DPP6: variants seen among roughly 807,000 people sequenced by gnomAD.
DPP6 encodes A-type potassium channel modulatory protein DPP6.
DPP6 carries 69 observed loss-of-function variants against 122.6 expected under a neutral mutation model. The observed-to-expected ratio is 0.56, with a 90% confidence interval of 0.46 to 0.69. DPP6 has a LOEUF of 0.69. Among genes scored for constraint, DPP6 ranks in the 30% least tolerant of loss-of-function variants. The pLI is 0.00. For synonymous variants in DPP6, 418 were observed against 433.1 expected (o/e 0.97, Z 0.43); for missense variants, 928 against 1,116.9 (o/e 0.83, Z 2.41).
chr7:154,749,576 G>A (rs1395200158), intron 8 of DPP6, among the ~76,000 whole-genome samples: 18 of 122,764 alleles, frequency 1.5e-4, no homozygotes, highest in East Asian at 2.6e-4. Flanking sequence ...AGATGGTCAG[G>A]GAGCATAGGA....
chr7:154,752,085 A>G (rs1018572796), intron 8 of DPP6, among the ~76,000 whole-genome samples: 3 of 152,210 alleles, frequency 2.0e-5, no homozygotes, highest in Non-Finnish European at 4.4e-5. Context: ...GGAATGCGCC[A>G]TCTTTGTTTT....
chr7:154,439,715 A>G (rs1819198647), intron 1 of DPP6, among the ~76,000 whole-genome samples: 1 of 152,220 alleles, frequency 6.6e-6, no homozygotes, highest in Admixed American at 6.5e-5. Flanking sequence ...GATAGGGCAG[A>G]AGTTAATTCT....
intron 16 of DPP6, among the ~76,000 whole-genome samples, chr7:154,814,586 C>A (rs1014719187): frequency 2.0e-5 from 3 of 152,226 alleles, no homozygotes; most frequent in African/African-American, 7.2e-5. Context: ...AAAAAGCACT[C>A]ACCTCCTGGA....
chr7:154,557,589 C>A (rs1208697554), intron 4 of DPP6, among the ~76,000 whole-genome samples: 1 of 151,962 alleles, frequency 6.6e-6, no homozygotes, highest in Non-Finnish European at 1.5e-5. Context: ...GGCCATGAGA[C>A]TATAAGAGGA....
intron 7 of DPP6, among the ~76,000 whole-genome samples, chr7:154,723,429 A>AT (rs1316685179): frequency 6.6e-6 from 1 of 151,930 alleles, no homozygotes; most frequent in Non-Finnish European, 1.5e-5. Context: ...GTCTGATTTG[A>AT]TTCAAAAATC....
intron 1 of DPP6, among the ~76,000 whole-genome samples, chr7:154,057,008 C>A (rs1800882671): frequency 6.6e-6 from 1 of 152,220 alleles, no homozygotes; most frequent in Non-Finnish European, 1.5e-5. Flanking sequence ...GGTGTACTCA[C>A]CTACAGAATA....
At chr7:153,988,533 C>T (rs1219692914) in intron 1 of DPP6, among the ~76,000 whole-genome samples, 10 of 152,178 alleles carry the variant, frequency 6.6e-5, no homozygotes, top group African/African-American at 2.2e-4. Flanking sequence ...TCTGGCCTCA[C>T]CCACCCTTTT....
chr7:154,135,297 C>A (rs1245989348), intron 1 of DPP6, among the ~76,000 whole-genome samples: 14 of 151,820 alleles, frequency 9.2e-5, no homozygotes, highest in Non-Finnish European at 1.8e-4. Flanking sequence ...TTCCTGTGAG[C>A]ACACACTTCT....
intron 3 of DPP6, among the ~76,000 whole-genome samples, chr7:154,529,740 T>C (rs2130094361): frequency 6.6e-6 from 1 of 152,314 alleles, no homozygotes; most frequent in Admixed American, 6.5e-5. Flanking sequence ...GACTTATAAA[T>C]AGAACAATAA....
chr7:154,613,016 G>C (rs1387969938), intron 5 of DPP6, among the ~76,000 whole-genome samples: 1 of 152,146 alleles, frequency 6.6e-6, no homozygotes. Flanking sequence ...CTGACTTCTT[G>C]TTGTAGCCTC....
chr7:154,727,695 G>T lies in DPP6; in HGVS notation c.763-72G>T. 6 of 1,488,672 alleles carry T rather than the reference G, an allele frequency of 4.0e-6. No homozygotes were observed. The South Asian group carries it at 8.2e-5, about 20-fold the overall frequency. 92.2% of individuals were successfully genotyped at this position (1,488,672 alleles called of 1,614,324 possible). A position where few individuals can be genotyped will look rare whatever the true frequency, so the allele number is the denominator to read the frequency against. ...AATGAAAACCCGGTTGATGATTTCA[G>T]ATTTTTTAAGAACAGCCTATTTATA... On this transcript the variant is annotated intron_variant, in intron 7 of 25. Transcript: ENST00000377770.
At chr7:154,830,672 C>T (rs1327532423) in intron 16 of DPP6, among the ~76,000 whole-genome samples, 7 of 152,208 alleles carry the variant, frequency 4.6e-5, no homozygotes, top group Admixed American at 2.0e-4. Flanking sequence ...TGGGTTGTCC[C>T]GGCCTTAATC....
chr7:153,867,717 C>T, the DPP6 span, among the ~76,000 whole-genome samples: 3 of 152,194 alleles, frequency 2.0e-5, no homozygotes, highest in Admixed American at 6.5e-5. Context: ...GAGGGCATCC[C>T]TGTCTTGTGC....
intron 5 of DPP6, among the ~76,000 whole-genome samples, chr7:154,627,603 T>A (rs1835168294): frequency 6.6e-6 from 1 of 152,130 alleles, no homozygotes; most frequent in African/African-American, 2.4e-5. Flanking sequence ...GTCATTAATA[T>A]GGGGGTGACT....
At chr7:153,810,730 A>G in the DPP6 span, among the ~76,000 whole-genome samples, 2 of 144,552 alleles carry the variant, frequency 1.4e-5, no homozygotes, top group Admixed American at 7.1e-5. Context: ...GCACCAGGAT[A>G]CCTATTCTAT....
chr7:154,276,927 A>G (rs1052891193), intron 1 of DPP6, among the ~76,000 whole-genome samples: 26 of 152,284 alleles, frequency 1.7e-4, no homozygotes, highest in Middle Eastern at 3.4e-3. Context: ...TCCAACACAC[A>G]TATTCTTCTC....
chr7:154,074,084 T>C lies in DPP6; in HGVS notation c.243+21021T>C, dbSNP rs551886850. The stretch of plus-strand genomic sequence containing the variant: ...CTCCATATATACATATAGAGAGAGA[T>C]ATATAGAGATCTATATAGAGATAGA... On this transcript the variant is annotated intron_variant, in intron 1 of 25. Coordinates refer to ENST00000377770, the MANE Select transcript of DPP6 (RefSeq NM_130797.4). 4.3e-4 allele frequency among the ~76,000 whole-genome samples: 65 copies of C among 152,054 alleles called. No homozygotes were observed. The South Asian group carries it at 0.011, about 27-fold the overall frequency.
At chr7:154,804,784 G>A in intron 14 of DPP6, 133 bp from the exon 15 acceptor site, 2 of 1,290,382 alleles carry the variant, frequency 1.5e-6, no homozygotes, top group Non-Finnish European at 2.2e-6. Context: ...AGCTGGACCT[G>A]AACAGGGGAG....
chr7:154,197,012 C>G (rs1404066296), intron 1 of DPP6, among the ~76,000 whole-genome samples: 4 of 152,052 alleles, frequency 2.6e-5, no homozygotes, highest in South Asian at 4.1e-4. Context: ...TTTTGGGGCT[C>G]TGAGTCTCTT....
Sources: allele counts gnomAD v4.1 joint callset (sites outside exome capture counted in the v4.1 genomes callset), GRCh38; gene constraint gnomAD v4.1.1; transcripts MANE v1.5; gene names NCBI Gene and HGNC (gene_info 2026-07-23, HGNC 2026-07-21).